KRT40: variants seen among roughly 807,000 people sequenced by gnomAD.
KRT40 encodes the protein keratin 40.
KRT40 carries 47 observed loss-of-function variants against 43.5 expected under a neutral mutation model. The observed-to-expected ratio is 1.08, with a 90% CI of 0.86 to 1.38. KRT40 has a LOEUF of 1.38. KRT40 is among the 40% of genes most tolerant of loss of function. The pLI is 0.00. For missense variants in KRT40, 573 were observed against 523.6 expected (o/e 1.09, Z -0.92); for synonymous variants, 212 against 214.0 (o/e 0.99, Z 0.08).
At position 40,984,322 on chromosome 17, in the gene KRT40, G is replaced by A. The variant is rs1179649514; in HGVS notation, c.-49C>T. The A allele has an allele frequency of 6.9e-7, 1 of 1,442,254 alleles. No individual in the cohort carries two copies. The highest frequency in any genetic ancestry group is 2.4e-5 in the East Asian group (1 of 41,256). 89.3% of individuals were successfully genotyped at this position (1,442,254 alleles called of 1,614,324 possible). On this transcript the variant is annotated 5_prime_UTR_variant, in exon 1 of 7. Coordinates refer to ENST00000377755, the MANE Select transcript of KRT40 (RefSeq NM_001389244.1). ...CTGGCTGCAAAACTTCAGTTGCCTT[G>A]ACTCCAAAACTCTCCTCTCCTGAGA... is the stretch of plus-strand genomic sequence containing the variant.
intron 6 of KRT40, 38 bp from the exon 7 acceptor site, chr17:40,978,334 G>T (rs558878193): frequency 1.1e-4 from 165 of 1,515,456 alleles, no homozygotes; most frequent in Non-Finnish European, 1.5e-4. Context: ...ATTAACAAGG[G>T]AATGTTGATA....
At chr17:40,979,373 G>A (rs1912000863) in intron 5 of KRT40, among the ~76,000 whole-genome samples, 1 of 152,008 alleles carries the variant, frequency 6.6e-6, no homozygotes, top group African/African-American at 2.4e-5. Flanking sequence ...AAATTAGCTG[G>A]GTACGGTGGT....
upstream of KRT40, among the ~76,000 whole-genome samples, chr17:40,984,966 G>C (rs1912398596): frequency 6.6e-6 from 1 of 152,116 alleles, no homozygotes; most frequent in African/African-American, 2.4e-5. Flanking sequence ...ATATAAATTG[G>C]TTAGAGCTGG....
At chr17:40,986,746 G>A (rs1912486200), upstream of KRT40, among the ~76,000 whole-genome samples, 2 of 148,702 alleles carry the variant, frequency 1.3e-5, no homozygotes, top group Admixed American at 6.7e-5. Flanking sequence ...AAAAAAAACC[G>A]ACAACAACAC....
intron 3 of KRT40, among the ~76,000 whole-genome samples, chr17:40,981,793 G>A (rs713431): frequency 0.13 from 19,991 of 152,184 alleles, 1,395 homozygotes; most frequent in South Asian, 0.18. Flanking sequence ...GCGCTGTCTA[G>A]GGGTTATTTC....
chr17:40,980,083 A>G (rs981436161), intron 5 of KRT40, among the ~76,000 whole-genome samples: 2 of 152,256 alleles, frequency 1.3e-5, no homozygotes, highest in African/African-American at 4.8e-5. Flanking sequence ...CTGGGATTCA[A>G]CTGGCTGAAC....
chr17:40,981,615 AG>A (rs572627772), intron 3 of KRT40, among the ~76,000 whole-genome samples: 201 of 152,332 alleles, frequency 1.3e-3, no homozygotes, highest in African/African-American at 4.5e-3. Context: ...GATAGTGCAC[AG>A]TCTTTATCCC....
chr17:40,980,735 AG>A, intron 5 of KRT40, 49 bp downstream of exon 5: 1 of 1,532,344 alleles, frequency 6.5e-7, no homozygotes, highest in Non-Finnish European at 8.7e-7. Context: ...TTAACATCTC[AG>A]GGCCTGACTT....
At position 40,978,251 on chromosome 17, in the gene KRT40, AG is replaced by A; in HGVS notation, c.1241del (p.Thr414IlefsTer21). The A allele has an allele frequency of 6.2e-7, 1 of 1,614,216 alleles. No individual in the cohort carries two copies. Among genetic ancestry groups the A allele is most frequent in the Non-Finnish European group, 8.5e-7 (1 of 1,180,018 alleles). ...TGACATAGGCTGAGCATGGCTCACA[AG>A]TGTTGCTCGAGGTGCATGTGGTCGA... ...PCSTTCTSSN[T>X]CEPCSAYVIC... On this transcript the variant is annotated frameshift_variant, in exon 7 of 7. Coordinates refer to ENST00000377755, the MANE Select transcript of KRT40 (RefSeq NM_001389244.1). LOFTEE classifies it high-confidence loss of function.
chr17:40,978,799 C>A lies in KRT40; in HGVS notation c.1196+5G>T, dbSNP rs747548638. On this transcript the variant is annotated splice_donor_5th_base_variant and intron_variant, in intron 6 of 6. Transcript: ENST00000377755. The stretch of plus-strand genomic sequence containing the variant: ...GGGGATTTCATGAGTAACTGTGGAA[C>A]TTGCCTGCTGTCCTCGCTGTCCAGC... The A allele has an allele frequency of 6.2e-7, 1 of 1,609,050 alleles. No homozygotes were observed. The highest frequency in any genetic ancestry group is 1.7e-5 in the Admixed American group (1 of 59,828).
intron 1 of KRT40, 37 bp downstream of exon 1, chr17:40,983,790 T>A (rs1912307658): frequency 6.3e-7 from 1 of 1,588,440 alleles, no homozygotes; most frequent in Non-Finnish European, 8.6e-7. Context: ...AAACCATAGA[T>A]CAGGAAGGTG....
At chr17:40,986,614 A>G (rs144227606), upstream of KRT40, among the ~76,000 whole-genome samples, 630 of 152,062 alleles carry the variant, frequency 4.1e-3, 6 homozygotes, top group African/African-American at 0.015. Flanking sequence ...TCTTACCCCC[A>G]TGCCACCAGC....
chr17:40,984,168 CG>C lies in KRT40; in HGVS notation c.105del (p.Gly36ValfsTer20). 6.2e-7 allele frequency: 1 copy of C among 1,613,966 alleles called. No individual in the cohort carries two copies. The highest frequency in any genetic ancestry group is 1.7e-5 in the Admixed American group (1 of 59,996). Reference protein sequence around the residue: ...SSCSVETACLPGTCATSRCQT... With the variant: ...SSCSVETACLXGTCATSRCQT... The stretch of plus-strand genomic sequence containing the variant: ...TGACATCGGGATGTAGCACAGGTAC[CG>C]GGGAGACAAGCTGTTTCCACGGAGC... On this transcript the variant is annotated frameshift_variant, in exon 1 of 7. Coordinates refer to ENST00000377755, the MANE Select transcript of KRT40 (RefSeq NM_001389244.1). LOFTEE classifies it high-confidence loss of function.
In KRT40 at chr17:40,982,389, A is replaced by T; in HGVS notation, c.605T>A (p.Leu202Gln). Residue 202 changes from leucine (L) to glutamine (Q), a missense_variant, in exon 3 of 7, where the codon CTG (leucine) becomes CAG (glutamine). Physicochemically the swap from Leu to Gln is moderately radical, Grantham distance 113 (BLOSUM62 -2). Transcript: ENST00000377755. The stretch of plus-strand genomic sequence containing the variant: ...CTCCAGATCAGATTTGCACAGGGTC[A>T]GTTCCTCCAGGATCCCATGCAGGCT... ...ISSLHGILEELTLCKSDLEAH... is the reference protein window; with the variant it reads ...ISSLHGILEEQTLCKSDLEAH... 2 of 1,612,150 alleles carry T rather than the reference A, an allele frequency of 1.2e-6. No individual in the cohort carries two copies. The highest frequency in any genetic ancestry group is 8.5e-7 in the Non-Finnish European group (1 of 1,179,056).
intron 5 of KRT40, 60 bp from the exon 6 acceptor site, chr17:40,979,084 T>A: frequency 7.6e-7 from 1 of 1,308,400 alleles, no homozygotes; most frequent in Non-Finnish European, 1.1e-6. Flanking sequence ...CCAGAGTGCC[T>A]ACTTTCAAAT....
intron 3 of KRT40, chr17:40,981,356 T>A: frequency 2.1e-6 from 2 of 957,292 alleles, no homozygotes; most frequent in Non-Finnish European, 3.2e-6. Flanking sequence ...TGGACATTTT[T>A]CCAGAAAGTT....
intron 5 of KRT40, 143 bp downstream of exon 5, chr17:40,980,642 C>T: frequency 9.1e-7 from 1 of 1,099,710 alleles, no homozygotes; most frequent in Non-Finnish European, 1.3e-6. Context: ...GTGGACCTGT[C>T]ACTTCTGCTT....
Position 40,982,448 on chromosome 17 carries a change from C to G in KRT40, c.546G>C (p.Leu182=). 1.2e-6 allele frequency: 2 copies of G among 1,600,920 alleles called. No homozygotes were observed. The highest frequency in any genetic ancestry group is 1.7e-6 in the Non-Finnish European group (2 of 1,174,462). Residue 182 remains leucine (L), a synonymous_variant, in exon 3 of 7, where the codon CTG becomes CTC. Transcript: ENST00000377755. Reference sequence around the variant, plus strand: ...CAGCCTCTAACAGCTGGCGAAGGGACAGTTCACTCTCGTACCTTTCACAGC... The same window carrying G: ...CAGCCTCTAACAGCTGGCGAAGGGAGAGTTCACTCTCGTACCTTTCACAGC... ...DDFKSKYESE[L]SLRQLLEADI...
In KRT40 at chr17:40,978,220, T is replaced by G; in HGVS notation, c.1273A>C (p.Thr425Pro). 7 of 1,613,890 alleles carry G rather than the reference T, an allele frequency of 4.3e-6. No homozygotes were observed. Among genetic ancestry groups the G allele is most frequent in the Non-Finnish European group, 5.9e-6 (7 of 1,179,798 alleles). The change falls in exon 7 of 7, where the codon ACT becomes CCT. Residue 425 changes from threonine (T) to proline (P), a missense_variant. Transcript: ENST00000377755. The stretch of plus-strand genomic sequence containing the variant: ...ATTCACAAGCAGCAGTTTTCAACAG[T>G]GCAGATGACATAGGCTGAGCATGGC... ...CEPCSAYVIC[T>P]VENCCL is the part of the protein sequence containing the mutation.
Sources: gnomAD v4.1 joint callset for allele counts (sites outside exome capture counted in the v4.1 genomes callset) on GRCh38, gnomAD v4.1.1 for gene constraint, MANE v1.5 for transcripts, NCBI Gene and HGNC (gene_info 2026-07-23, HGNC 2026-07-21) for gene names.